Variants in DENND1B observed in about 807,000 individuals in gnomAD.
DENND1B encodes the protein DENN domain-containing protein 1B.
Under a neutral mutation model 90.1 loss-of-function variants are expected in DENND1B, and 59 were observed. The ratio of observed to expected loss-of-function variants is 0.65; its 90% CI spans 0.53 to 0.81. DENND1B has a LOEUF of 0.81. Ranked by LOEUF, DENND1B falls within the 40% of genes least tolerant of loss-of-function variation. The probability of loss-of-function intolerance (pLI) is 0.00; values close to 1 mark genes in which losing one functional copy is unlikely to be tolerated. For synonymous variants in DENND1B, 337 were observed against 324.6 expected, an observed-to-expected ratio of 1.04 and a Z score of -0.41; for missense variants, 862 against 912.6, an observed-to-expected ratio of 0.94 and a Z score of 0.71.
In DENND1B at chr1:197,507,681, C is replaced by G. The variant is rs1455721156; in HGVS notation, c.*2779G>C. The G allele has an allele frequency of 1.3e-5, 2 of 151,480 alleles. No individual in the cohort carries two copies. Among genetic ancestry groups the G allele is most frequent in the African/African-American group, 4.8e-5 (2 of 41,326 alleles). The allele number at this position is 151,480 out of a possible 1,614,324, so 9.4% of individuals were successfully genotyped here. A position where few individuals can be genotyped will look rare whatever the true frequency, so the allele number is the denominator to read the frequency against. ...AAAATAATTTCAAAAAGCAGAGGAA[C>G]TTACAAATATTTGATTTAGTTACCA... On this transcript the variant is annotated 3_prime_UTR_variant, in exon 23 of 23. Coordinates refer to ENST00000620048, the MANE Select transcript of DENND1B (RefSeq NM_001195215.2).
At chr1:197,729,257 AAAG>A (rs1287365093) in intron 2 of DENND1B, among the ~76,000 whole-genome samples, 36 of 151,684 alleles carry the variant, frequency 2.4e-4, no homozygotes, top group African/African-American at 7.6e-4. Context: ...TACACTTCAT[AAAG>A]GCAGCTTTTT....
At chr1:197,624,214 G>T (rs1197268214) in intron 10 of DENND1B, among the ~76,000 whole-genome samples, 1 of 151,554 alleles carries the variant, frequency 6.6e-6, no homozygotes, top group East Asian at 1.9e-4. Flanking sequence ...ATTTATAAAA[G>T]AACATACAAT....
At position 197,715,056 on chromosome 1, in the gene DENND1B, T is replaced by G; in HGVS notation, c.101A>C (p.Lys34Thr). The G allele has an allele frequency of 6.2e-7, 1 of 1,611,474 alleles. No homozygotes were observed. Among genetic ancestry groups the G allele is most frequent in the Non-Finnish European group, 8.5e-7 (1 of 1,178,550 alleles). Reference sequence around the variant, plus strand: ...CTGGTCTCCAAAGTCCTCTGGGAATTTCCACAATACCACAGGATCTGTAAA... The same window carrying G: ...CTGGTCTCCAAAGTCCTCTGGGAATGTCCACAATACCACAGGATCTGTAAA... ...SENEDPVVLW[K>T]FPEDFGDQEI... Residue 34 changes from lysine to threonine, a missense_variant, in exon 3 of 23, where the codon AAA becomes ACA. Transcript: ENST00000620048.
chr1:197,549,110 G>C (rs1015087533), intron 16 of DENND1B, among the ~76,000 whole-genome samples: 2 of 151,998 alleles, frequency 1.3e-5, no homozygotes, highest in African/African-American at 4.8e-5. Context: ...CTGGATTATG[G>C]CAATAATAGG....
At chr1:197,647,720 G>A (rs1221178584) in intron 7 of DENND1B, among the ~76,000 whole-genome samples, 7 of 152,010 alleles carry the variant, frequency 4.6e-5, no homozygotes, top group African/African-American at 7.2e-5. Flanking sequence ...AGGCCAAGGC[G>A]GGCAGAATAC....
At chr1:197,543,784 C>T (rs79558293) in intron 18 of DENND1B, among the ~76,000 whole-genome samples, 5,610 of 152,098 alleles carry the variant, frequency 0.037, 158 homozygotes, top group Non-Finnish European at 0.057. Flanking sequence ...AGATTAGCTT[C>T]CCTACTATAA....
chr1:197,621,922 C>T (rs1678206653), intron 10 of DENND1B, among the ~76,000 whole-genome samples: 2 of 151,286 alleles, frequency 1.3e-5, no homozygotes. Flanking sequence ...ATAAAGCATA[C>T]CCAATATATT....
In DENND1B at chr1:197,679,306, C is replaced by G. The variant is rs564982427; in HGVS notation, c.127-5137G>C. Among the ~76,000 whole-genome samples the G allele has an allele frequency of 2.7e-3, 407 of 149,058 alleles. 6 individuals carry two copies. Among genetic ancestry groups the G allele is most frequent in the Non-Finnish European group, 5.3e-3 (358 of 67,280 alleles). ...GTGACATTACCAAAAAAAAAAAAAT[C>G]AGAAGACTATGCATCTGCAGATTCA... is the stretch of plus-strand genomic sequence containing the variant. On this transcript the variant is annotated intron_variant, in intron 3 of 22. Transcript: ENST00000620048.
intron 10 of DENND1B, among the ~76,000 whole-genome samples, chr1:197,626,473 A>G (rs1288345823): frequency 6.6e-6 from 1 of 152,192 alleles, no homozygotes; most frequent in African/African-American, 2.4e-5. Context: ...GTTCTTTGAA[A>G]CCAATGAGAA....
At position 197,583,271 on chromosome 1, in the gene DENND1B, T is replaced by C. The variant is rs1444416486; in HGVS notation, c.1048-18A>G. The C allele has an allele frequency of 9.3e-6, 15 of 1,609,902 alleles. No individual in the cohort carries two copies. Among genetic ancestry groups the C allele is most frequent in the South Asian group, 5.5e-5 (5 of 90,906 alleles). ...GGCTCACCCTAGATAGAAATAAAGA[T>C]TTTAAGGGCATCAATAAAAGGTTAG... On this transcript the variant is annotated intron_variant, in intron 14 of 22. Transcript: ENST00000620048.
chr1:197,688,323 T>C (rs1239008234), intron 3 of DENND1B, among the ~76,000 whole-genome samples: 1 of 151,996 alleles, frequency 6.6e-6, no homozygotes, highest in African/African-American at 2.4e-5. Flanking sequence ...AAAACAAACC[T>C]AAAATTCATA....
chr1:197,527,177 A>G (rs1317905833), intron 20 of DENND1B, among the ~76,000 whole-genome samples: 6 of 152,130 alleles, frequency 3.9e-5, no homozygotes, highest in African/African-American at 1.4e-4. Flanking sequence ...TAGTCTACAT[A>G]TATCTTTGGA....
intron 11 of DENND1B, among the ~76,000 whole-genome samples, chr1:197,614,839 T>A (rs898271822): frequency 6.6e-6 from 1 of 150,992 alleles, no homozygotes; most frequent in Admixed American, 6.6e-5. Context: ...ACTCAACCAT[T>A]CATGAACAAA....
At chr1:197,734,805 T>C (rs1261509950) in intron 2 of DENND1B, 1 of 983,960 alleles carries the variant, frequency 1.0e-6, no homozygotes, top group African/African-American at 1.7e-5. Context: ...ATATGCTTTT[T>C]TTTTAACCTA....
intron 20 of DENND1B, among the ~76,000 whole-genome samples, chr1:197,536,661 T>A (rs1669927877): frequency 6.6e-6 from 1 of 152,026 alleles, no homozygotes; most frequent in Non-Finnish European, 1.5e-5. Flanking sequence ...CAAATTTCAA[T>A]TACAGAAAAA....
chr1:197,609,935 TA>T (rs1377216710), intron 12 of DENND1B, among the ~76,000 whole-genome samples: 1 of 150,706 alleles, frequency 6.6e-6, no homozygotes, highest in African/African-American at 2.4e-5. Flanking sequence ...ACCATTTTGG[TA>T]AAATTAAAAA....
intron 2 of DENND1B, among the ~76,000 whole-genome samples, chr1:197,737,985 T>A (rs1455296538): frequency 6.7e-6 from 1 of 149,358 alleles, no homozygotes; most frequent in African/African-American, 2.5e-5. Flanking sequence ...TGGAAGCAGA[T>A]AACCCAGCTC....
chr1:197,607,648 T>C (rs1001867385), intron 12 of DENND1B, among the ~76,000 whole-genome samples: 7 of 150,700 alleles, frequency 4.6e-5, no homozygotes, highest in African/African-American at 1.7e-4. Flanking sequence ...AAAAGGTATA[T>C]GTTGGTGATG....
intron 10 of DENND1B, among the ~76,000 whole-genome samples, chr1:197,628,124 C>A (rs1285345412): frequency 6.6e-6 from 1 of 152,050 alleles, no homozygotes; most frequent in Non-Finnish European, 1.5e-5. Flanking sequence ...AGATTCAATG[C>A]CATCCCCATA....
Sources: allele counts gnomAD v4.1 joint callset (sites outside exome capture counted in the v4.1 genomes callset), GRCh38; gene constraint gnomAD v4.1.1; transcripts MANE v1.5; gene names NCBI Gene and HGNC (gene_info 2026-07-23, HGNC 2026-07-21).